The following CLUAP1 variants were observed in gnomAD, a reference collection of about 807,000 sequenced individuals.
The protein encoded by CLUAP1 is intraflagellar transport 38.
In CLUAP1, 50 loss-of-function variants were observed where a neutral mutation model predicts 55.0. That is an observed-to-expected ratio of 0.91 (90% CI 0.72 to 1.15). The LOEUF (loss-of-function observed/expected upper bound fraction) is 1.15. Ranked by LOEUF, CLUAP1 falls within the 50% of genes most tolerant of loss-of-function variation. CLUAP1 has a pLI of 0.00. For synonymous variants in CLUAP1, 195 were observed against 175.4 expected (o/e 1.11, Z -0.88); for missense variants, 530 against 507.6 (o/e 1.04, Z -0.42).
At chr16:3,503,597 T>TTTTTTG (rs1000401995) in intron 1 of CLUAP1, among the ~76,000 whole-genome samples, 12 of 151,774 alleles carry the variant, frequency 7.9e-5, no homozygotes, top group Non-Finnish European at 1.5e-4. Context: ...GCGCCTGGCC[T>TTTTTTG]TTTTTGTTTT....
chr16:3,513,784 G>C (rs1185241025), intron 5 of CLUAP1, among the ~76,000 whole-genome samples: 2 of 152,180 alleles, frequency 1.3e-5, no homozygotes, highest in African/African-American at 4.8e-5. Flanking sequence ...TACCTGTAAA[G>C]ATTTATGGCA....
chr16:3,531,336 C>T (rs1017380732), intron 10 of CLUAP1, among the ~76,000 whole-genome samples: 8 of 152,058 alleles, frequency 5.3e-5, no homozygotes, highest in South Asian at 2.1e-4. Context: ...CTGGCTAACA[C>T]GGTGAAACCC....
At chr16:3,529,642 A>G (rs1211478626) in intron 9 of CLUAP1, among the ~76,000 whole-genome samples, 1 of 24,240 alleles carries the variant, frequency 4.1e-5, no homozygotes, top group Non-Finnish European at 5.8e-5. Flanking sequence ...ATTATTATAT[A>G]TTATATATTA....
chr16:3,498,995 C>T (rs569759398), upstream of CLUAP1, among the ~76,000 whole-genome samples: 1 of 152,166 alleles, frequency 6.6e-6, no homozygotes, highest in African/African-American at 2.4e-5. Flanking sequence ...AGAACACTTA[C>T]AATTCAAAAA....
At chr16:3,501,894 T>C (rs1292752232) in intron 1 of CLUAP1, 2 of 152,138 alleles carry the variant, frequency 1.3e-5, no homozygotes, top group African/African-American at 4.8e-5. Context: ...CCGCTCTGTG[T>C]TATGCGCATT....
chr16:3,501,473 A>G (rs1326607390), intron 1 of CLUAP1, among the ~76,000 whole-genome samples: 1 of 152,218 alleles, frequency 6.6e-6, no homozygotes, highest in African/African-American at 2.4e-5. Flanking sequence ...GAGTTGGGTT[A>G]GCTTAGCGCT....
intron 6 of CLUAP1, among the ~76,000 whole-genome samples, chr16:3,517,710 G>A (rs1950073934): frequency 2.0e-5 from 3 of 152,294 alleles, no homozygotes; most frequent in South Asian, 4.1e-4. Context: ...GAACATCATC[G>A]TTACAGAACA....
intron 6 of CLUAP1, among the ~76,000 whole-genome samples, chr16:3,519,674 G>A (rs1325894418): frequency 6.6e-6 from 1 of 152,162 alleles, no homozygotes; most frequent in African/African-American, 2.4e-5. Flanking sequence ...GGGTAGAAAT[G>A]CCTGCTTTTC....
chr16:3,508,638 T>C (rs1358215557), intron 4 of CLUAP1, among the ~76,000 whole-genome samples, 170 bp downstream of exon 4: 1 of 152,240 alleles, frequency 6.6e-6, no homozygotes, highest in Non-Finnish European at 1.5e-5. Flanking sequence ...AATCCACTAA[T>C]TCAACTATTT....
At chr16:3,530,093 G>A (rs1189482445) in intron 9 of CLUAP1, among the ~76,000 whole-genome samples, 1 of 150,770 alleles carries the variant, frequency 6.6e-6, no homozygotes, top group African/African-American at 2.4e-5. Flanking sequence ...CATGGCAGAA[G>A]GGCAAAGAGA....
At chr16:3,530,433 G>A in intron 9 of CLUAP1, 135 bp from the exon 10 acceptor site, 1 of 672,598 alleles carries the variant, frequency 1.5e-6, no homozygotes, top group Non-Finnish European at 2.7e-6. Context: ...CATGGGATAA[G>A]GATTTAATGT....
Position 3,519,988 on chromosome 16 carries a change from T to C in CLUAP1, c.665T>C (p.Leu222Ser), listed in dbSNP as rs771807572. 3 of 1,613,596 alleles carry C rather than the reference T, an allele frequency of 1.9e-6. No individual in the cohort carries two copies. The highest frequency in any genetic ancestry group is 2.5e-6 in the Non-Finnish European group (3 of 1,179,860). Residue 222 changes from leucine (L) to serine (S), a missense_variant, in exon 7 of 12, where the codon TTA (leucine) becomes TCA (serine). Leu to Ser is a moderately radical substitution (Grantham distance 145). Transcript: ENST00000576634. Reference sequence around the variant, plus strand: ...GAAGCCAAAATCGAAAAGAGAAAATTAGAACTGGAAAGAAATCGGAAGCGA... The same window carrying C: ...GAAGCCAAAATCGAAAAGAGAAAATCAGAACTGGAAAGAAATCGGAAGCGA... ...NLEAKIEKRK[L>S]ELERNRKRLE...
chr16:3,506,143 T>C lies in CLUAP1; in HGVS notation c.135-188T>C, dbSNP rs184927160. The stretch of plus-strand genomic sequence containing the variant: ...ACATTTAGTTTTTGAAATCTGTTTT[T>C]CTTAGGTGGGGATTTGCTCCCTTGG... On this transcript the variant is annotated intron_variant, in intron 2 of 11. Transcript: ENST00000576634. Among the ~76,000 whole-genome samples the C allele has an allele frequency of 2.4e-3, 358 of 152,324 alleles. 3 individuals carry two copies. The highest frequency in any genetic ancestry group is 8.1e-3 in the African/African-American group (335 of 41,568).
intron 6 of CLUAP1, 122 bp from the exon 7 acceptor site, chr16:3,519,777 CTATT>C (rs1393685383): frequency 7.9e-6 from 7 of 881,212 alleles, no homozygotes; most frequent in Non-Finnish European, 1.0e-5. Flanking sequence ...GGGGAAGTGT[CTATT>C]TGTTTGCTTT....
intron 6 of CLUAP1, among the ~76,000 whole-genome samples, chr16:3,518,700 C>T (rs1209511142): frequency 2.0e-5 from 3 of 152,114 alleles, no homozygotes; most frequent in African/African-American, 7.2e-5. Context: ...TGCAGCAAAT[C>T]GATGATAAGG....
At chr16:3,533,010 C>G in intron 11 of CLUAP1, 169 bp downstream of exon 11, 2 of 1,378,010 alleles carry the variant, frequency 1.5e-6, no homozygotes, top group Non-Finnish European at 2.0e-6. Context: ...CTCTTCGTTG[C>G]TCGTGGATGG....
chr16:3,499,028 T>G (rs1207536188), upstream of CLUAP1, among the ~76,000 whole-genome samples: 1 of 152,228 alleles, frequency 6.6e-6, no homozygotes, highest in Non-Finnish European at 1.5e-5. Flanking sequence ...CAACCCAATT[T>G]TGAAATGGGC....
intron 4 of CLUAP1, among the ~76,000 whole-genome samples, chr16:3,509,469 G>C (rs1484286389): frequency 1.3e-5 from 2 of 152,260 alleles, no homozygotes; most frequent in African/African-American, 4.8e-5. Context: ...ACCGAAGCAG[G>C]CGGCAGGGCT....
chr16:3,498,711 T>A (rs181107455), upstream of CLUAP1, among the ~76,000 whole-genome samples: 1,366 of 151,826 alleles, frequency 9.0e-3, 24 homozygotes, highest in African/African-American at 0.032. Context: ...TACAAAAAAA[T>A]TAGCCGGGTG....
Sources: allele counts gnomAD v4.1 joint callset (sites outside exome capture counted in the v4.1 genomes callset), GRCh38; gene constraint gnomAD v4.1.1; transcripts MANE v1.5; gene names NCBI Gene and HGNC (gene_info 2026-07-23, HGNC 2026-07-21).